SERPINB4: variants seen among roughly 807,000 people sequenced by gnomAD.
SERPINB4 encodes serpin B4.
SERPINB4 carries 39 observed loss-of-function variants against 33.2 expected under a neutral mutation model. That is an observed-to-expected ratio of 1.18 (90% CI 0.91 to 1.53). The LOEUF is 1.53. Among genes scored for constraint, SERPINB4 ranks in the 40% most tolerant of loss-of-function variants. SERPINB4 has a pLI of 0.00. For synonymous variants in SERPINB4, 191 were observed against 166.4 expected (o/e 1.15, Z -1.14); for missense variants, 564 against 455.4 (o/e 1.24, Z -2.17).
intron 2 of SERPINB4, 54 bp from the exon 3 acceptor site, chr18:63,643,271 G>C: frequency 6.2e-7 from 1 of 1,612,598 alleles, no homozygotes. Context: ...ATCTGTTTAA[G>C]TCAGTGGTCT....
chr18:63,641,355 T>C (rs1913123998), intron 4 of SERPINB4, among the ~76,000 whole-genome samples: 1 of 152,124 alleles, frequency 6.6e-6, no homozygotes, highest in South Asian at 2.1e-4. Context: ...TCCTGTGCAT[T>C]CAATATTTCC....
chr18:63,643,041 C>T, intron 3 of SERPINB4, 120 bp downstream of exon 3: 1 of 1,225,856 alleles, frequency 8.2e-7, no homozygotes, highest in Non-Finnish European at 1.2e-6. Context: ...CTGTATGTCT[C>T]AATCTTTGTG....
At chr18:63,642,778 A>G in intron 3 of SERPINB4, 1 of 174,110 alleles carries the variant, frequency 5.7e-6, no homozygotes, top group South Asian at 1.6e-4. Flanking sequence ...TGGGCAAGGC[A>G]CTGTTGTAAA....
intron 6 of SERPINB4, 115 bp from the exon 7 acceptor site, chr18:63,639,455 T>C (rs1913051283): frequency 2.6e-6 from 3 of 1,160,756 alleles, no homozygotes; most frequent in Non-Finnish European, 3.6e-6. Context: ...AGGAATTCCA[T>C]GAGTTAGAAA....
chr18:63,641,016 G>A (rs1352449516), intron 4 of SERPINB4, 25 bp from the exon 5 acceptor site: 1 of 1,572,366 alleles, frequency 6.4e-7, no homozygotes, highest in Non-Finnish European at 8.7e-7. Context: ...GGAAGAAGTA[G>A]GAATTAGGAG....
rs749398604 is a variant in SERPINB4, at chr18:63,643,541, A to G, written c.37T>C (p.Phe13Leu). The G allele has an allele frequency of 6.2e-6, 10 of 1,613,542 alleles. No homozygotes were observed. The East Asian group carries it at 2.2e-4, about 36-fold the overall frequency. The change falls in exon 2 of 8, where the codon TTC becomes CTC. Residue 13 changes from phenylalanine (F) to leucine (L), a missense_variant. Physicochemically the swap from Phe to Leu is conservative, Grantham distance 22 (BLOSUM62 0). Transcript: ENST00000341074. ...SLSEANTKFM[F>L]DLFQQFRKSK... ...TTTCTGAACTGTTGGAACAGATCGA[A>G]CATGAACTTGGTGTTGGCTTCACTG... is the stretch of plus-strand genomic sequence containing the variant.
chr18:63,638,592 C>G (rs555691465), intron 7 of SERPINB4, among the ~76,000 whole-genome samples: 1 of 151,910 alleles, frequency 6.6e-6, no homozygotes, highest in Non-Finnish European at 1.5e-5. Flanking sequence ...ATTCCCTTTT[C>G]TACTCGGCCT....
chr18:63,641,825 T>C lies in SERPINB4; in HGVS notation c.286A>G (p.Thr96Ala). ...GCGATCTTCAGCTCATATGCATCAG[T>C]GGATTTGTTGAATTCAGTCAGAAGC... ...QKLLTEFNKS[T>A]DAYELKIANK... Residue 96 changes from threonine (T) to alanine (A), a missense_variant, in exon 4 of 8, where the codon ACT (threonine) becomes GCT (alanine). Physicochemically the swap from Thr to Ala is moderately conservative, Grantham distance 58. Transcript: ENST00000341074. 1.2e-6 allele frequency: 2 copies of C among 1,613,444 alleles called. No individual in the cohort carries two copies. The highest frequency in any genetic ancestry group is 1.1e-5 in the South Asian group (1 of 91,072).
rs1913006094 is a variant in SERPINB4 at position 63,638,259 on chromosome 18, A to G, written c.769-136T>C. 3.0e-5 allele frequency: 29 copies of G among 977,768 alleles called. No individual in the cohort carries two copies. The South Asian group carries it at 4.8e-4, about 16-fold the overall frequency. 60.6% of individuals were successfully genotyped at this position (977,768 alleles called of 1,614,324 possible). On this transcript the variant is annotated intron_variant, in intron 7 of 7. Transcript: ENST00000341074. ...CAGAAGGTTCACTTTAATAGACATT[A>G]TTATTCTAATAGGTAAAATATGAGT...
At chr18:63,643,026 C>G in intron 3 of SERPINB4, 135 bp downstream of exon 3, 2 of 1,024,408 alleles carry the variant, frequency 2.0e-6, no homozygotes, top group Non-Finnish European at 2.9e-6. Flanking sequence ...AAATGCCAAC[C>G]CACTCTGTAT....
intron 3 of SERPINB4, 91 bp downstream of exon 3, chr18:63,643,070 A>G: frequency 2.0e-6 from 3 of 1,527,070 alleles, no homozygotes; most frequent in Non-Finnish European, 9.0e-7. Flanking sequence ...TTTCCCTAAA[A>G]CTGGCCTTTT....
At position 63,639,694 on chromosome 18, in the gene SERPINB4, C is replaced by T. The variant is rs747314424; in HGVS notation, c.552G>A (p.Gly184=). ...CTTTTTTAAATTTATTCTCCCACTG[C>T]CCTTTGAAATAGATTGCGTTCACAA... The part of the protein sequence containing the change: ...LVLVNAIYFK[G]QWENKFKKEN... The change falls in exon 6 of 8, where the codon GGG becomes GGA. Residue 184 remains glycine (G), a synonymous_variant. Coordinates refer to ENST00000341074, the MANE Select transcript of SERPINB4 (RefSeq NM_002974.4). 1 of 1,611,766 alleles carries T rather than the reference C, an allele frequency of 6.2e-7. No homozygotes were observed. Among genetic ancestry groups the T allele is most frequent in the Non-Finnish European group, 8.5e-7 (1 of 1,178,336 alleles).
chr18:63,641,212 C>A (rs113197355), intron 4 of SERPINB4, among the ~76,000 whole-genome samples: 6 of 152,152 alleles, frequency 3.9e-5, no homozygotes, highest in African/African-American at 1.4e-4. Context: ...ATCATCTTGG[C>A]AAAAGGCAGA....
chr18:63,643,387 G>C (rs376588554), intron 2 of SERPINB4, 26 bp downstream of exon 2: 30 of 1,613,228 alleles, frequency 1.9e-5, no homozygotes, highest in Middle Eastern at 1.6e-4. Context: ...ACTGCAACAG[G>C]ACAACGTAAT....
intron 4 of SERPINB4, 109 bp downstream of exon 4, chr18:63,641,651 T>C (rs1174427437): frequency 6.4e-7 from 1 of 1,550,908 alleles, no homozygotes; most frequent in Non-Finnish European, 8.9e-7. Context: ...GAGTAAATGC[T>C]CTCCACCTGA....
intron 6 of SERPINB4, 91 bp from the exon 7 acceptor site, chr18:63,639,431 C>T (rs2144466208): frequency 7.7e-7 from 1 of 1,295,730 alleles, no homozygotes; most frequent in Non-Finnish European, 1.1e-6. Flanking sequence ...CCTTCTTCTT[C>T]TAAGAAATAA....
rs1338397484 is a variant in SERPINB4, at chr18:63,638,206, T to A, written c.769-83A>T. ...AACAATGAATTGACTATGTGGAGAT[T>A]CGTTATTTTGGCAATAAATGTGAAA... is the stretch of plus-strand genomic sequence containing the variant. On this transcript the variant is annotated intron_variant, in intron 7 of 7. Transcript: ENST00000341074. 3.4e-6 allele frequency: 5 copies of A among 1,478,208 alleles called. No individual in the cohort carries two copies. The African/African-American group carries it at 5.7e-5, about 17-fold the overall frequency. 91.6% of individuals were successfully genotyped at this position (1,478,208 alleles called of 1,614,324 possible).
At position 63,637,376 on chromosome 18, in the gene SERPINB4, A is replaced by C. The variant is rs1200581841; in HGVS notation, c.*343T>G. On this transcript the variant is annotated 3_prime_UTR_variant, in exon 8 of 8. Transcript: ENST00000341074. ...GAAATGTGTGTTTCTAGGTTGCTAA[A>C]TTTGAAGAGAAAGTATGATTTGGTT... 1 of 185,728 alleles carries C rather than the reference A, an allele frequency of 5.4e-6. No individual in the cohort carries two copies. Among genetic ancestry groups the C allele is most frequent in the Non-Finnish European group, 1.1e-5 (1 of 90,714 alleles). The allele number at this position is 185,728 out of a possible 1,614,324, so 11.5% of individuals were successfully genotyped here.
In SERPINB4 at chr18:63,637,638, G is replaced by A; in HGVS notation, c.*81C>T. ...GATAGAAAAGAAATATGAGCCAAGA[G>A]AATCTGTTGTTGCCAGCAATCAGTT... is the stretch of plus-strand genomic sequence containing the variant. On this transcript the variant is annotated 3_prime_UTR_variant, in exon 8 of 8. Coordinates refer to ENST00000341074, the MANE Select transcript of SERPINB4 (RefSeq NM_002974.4). 7.2e-7 allele frequency: 1 copy of A among 1,387,866 alleles called. No homozygotes were observed. The highest frequency in any genetic ancestry group is 9.8e-7 in the Non-Finnish European group (1 of 1,022,256). 86.0% of individuals were successfully genotyped at this position (1,387,866 alleles called of 1,614,324 possible).
Sources: allele counts gnomAD v4.1 joint callset (sites outside exome capture counted in the v4.1 genomes callset), GRCh38; gene constraint gnomAD v4.1.1; transcripts MANE v1.5; gene names NCBI Gene and HGNC (gene_info 2026-07-23, HGNC 2026-07-21).